Variants in LIAS observed in about 807,000 individuals in gnomAD.
LIAS encodes the protein lipoyl synthase, mitochondrial.
Under a neutral mutation model 49.4 loss-of-function variants are expected in LIAS, and 36 were observed. That is an observed-to-expected ratio of 0.73 (90% CI 0.56 to 0.96). LIAS has a LOEUF of 0.96. Among genes scored for constraint, LIAS ranks in the 40% least tolerant of loss-of-function variants. LIAS has a pLI of 0.00. For missense variants in LIAS, 399 were observed against 456.3 expected, an observed-to-expected ratio of 0.87 and a Z score of 1.14; for synonymous variants, 145 against 155.8, an observed-to-expected ratio of 0.93 and a Z score of 0.52.
intron 10 of LIAS, among the ~76,000 whole-genome samples, chr4:39,474,237 T>A (rs1004621251): frequency 1.3e-4 from 17 of 132,714 alleles, no homozygotes; most frequent in African/African-American, 4.5e-4. Flanking sequence ...CACTCCAGCC[T>A]GGGCAACAGA....
rs766866733 is a variant in LIAS at position 39,471,517 on chromosome 4, A to ATTTTTTTTTTTT, written c.954+227_954+238dup. Reference sequence around the variant, plus strand: ...TCCGGCTAAAATATACATATATATAATTTTTTTTTTTTTTTTTTTTTTTTT... The same window carrying ATTTTTTTTTTTT: ...TCCGGCTAAAATATACATATATATAATTTTTTTTTTTTTTTTTTTTTTTTTTTTTTTTTTTTT... On this transcript the variant is annotated intron_variant, in intron 9 of 10. Transcript: ENST00000640888. Among the ~76,000 whole-genome samples, 2 of 74,352 alleles carry ATTTTTTTTTTTT rather than the reference A, an allele frequency of 2.7e-5. 1 individual carries two copies. Among genetic ancestry groups the ATTTTTTTTTTTT allele is most frequent in the Non-Finnish European group, 5.0e-5 (2 of 39,898 alleles). The allele number at this position is 74,352 out of a possible 152,430, so 48.8% of individuals were successfully genotyped here. A position where few individuals can be genotyped will look rare whatever the true frequency, so the allele number is the denominator to read the frequency against.
Position 39,473,228 on chromosome 4 carries a change from G to A in LIAS, c.1066+17G>A, listed in dbSNP as rs764338452. 24 of 1,482,612 alleles carry A rather than the reference G, an allele frequency of 1.6e-5. No individual in the cohort carries two copies. The highest frequency in any genetic ancestry group is 8.4e-5 in the Admixed American group (5 of 59,550). 91.8% of individuals were successfully genotyped at this position (1,482,612 alleles called of 1,614,324 possible). ...ATAAAGCAGGTAAGTTAGATTGTGG[G>A]GCATGGTTTCATTTAGGCCGTTAAC... On this transcript the variant is annotated intron_variant, in intron 10 of 10. Transcript: ENST00000640888.
At chr4:39,461,340 A>G (rs1744489823) in intron 2 of LIAS, among the ~76,000 whole-genome samples, 1 of 152,238 alleles carries the variant, frequency 6.6e-6, no homozygotes, top group African/African-American at 2.4e-5. Context: ...AATTTAAAAG[A>G]ATGATGGAAT....
At chr4:39,462,966 G>A (rs1578234572) in intron 3 of LIAS, among the ~76,000 whole-genome samples, 1 of 152,296 alleles carries the variant, frequency 6.6e-6, no homozygotes, top group East Asian at 1.9e-4. Flanking sequence ...CAGCCTGGAC[G>A]ACAGTGAGAC....
Position 39,472,844 on chromosome 4 carries a change from G to C in LIAS, c.955-256G>C, listed in dbSNP as rs534912617. The stretch of plus-strand genomic sequence containing the variant: ...TCTGTAGATAATCTCTTCTTTCTCT[G>C]TCCTTTGGAATAGCCATTGTAGCAC... On this transcript the variant is annotated intron_variant, in intron 9 of 10. Coordinates refer to ENST00000640888, the MANE Select transcript of LIAS (RefSeq NM_006859.4). Among the ~76,000 whole-genome samples, 10 of 152,288 alleles carry C rather than the reference G, an allele frequency of 6.6e-5. No homozygotes were observed. The East Asian group carries it at 1.7e-3, about 26-fold the overall frequency.
rs1340365089 is a variant in LIAS at position 39,460,465 on chromosome 4, C to T, written c.46-325C>T. On this transcript the variant is annotated intron_variant, in intron 1 of 10. Transcript: ENST00000640888. ...AGGAGAATGGCGTGAACCCGGGAGG[C>T]GGAGCTTGCGGTGAGCCAAGATTGC... 2.9e-5 allele frequency among the ~76,000 whole-genome samples: 4 copies of T among 139,054 alleles called. No homozygotes were observed. The Admixed American group carries it at 3.2e-4, about 11-fold the overall frequency. The allele number at this position is 139,054 out of a possible 152,430, so 91.2% of individuals were successfully genotyped here.
chr4:39,463,560 G>C lies in LIAS; in HGVS notation c.348G>C (p.Glu116Asp), dbSNP rs753615027. The C allele has an allele frequency of 3.3e-5, 53 of 1,612,790 alleles. No individual in the cohort carries two copies. The highest frequency in any genetic ancestry group is 4.5e-5 in the Non-Finnish European group (53 of 1,179,280). Reference protein sequence around the residue: ...CEEARCPNIGECWGGGEYATA... With the variant: ...CEEARCPNIGDCWGGGEYATA... ...AAGCTCGATGTCCCAATATTGGAGA[G>C]TGTTGGGGAGGTGGAGAATATGCCA... Residue 116 changes from glutamate (E) to aspartate (D), a missense_variant, in exon 4 of 11, where the codon GAG becomes GAC. Around this residue, in one of 3 missense-constraint regions of LIAS, gnomAD observed 159 missense variants for 147.6 expected, o/e 1.08. Coordinates refer to ENST00000640888, the MANE Select transcript of LIAS (RefSeq NM_006859.4).
At chr4:39,476,427 C>T (rs560635163) in intron 10 of LIAS, 2 of 152,424 alleles carry the variant, frequency 1.3e-5, no homozygotes, top group South Asian at 4.1e-4. Context: ...AATCAGGCCT[C>T]TAGTGCTGCA....
intron 7 of LIAS, chr4:39,468,499 A>AT (rs1278156240): frequency 9.4e-5 from 12 of 127,664 alleles, no homozygotes; most frequent in Admixed American, 2.5e-4. Flanking sequence ...AAAGGAAAAA[A>AT]AAAATATATA....
intron 6 of LIAS, chr4:39,467,155 C>G (rs956311321): frequency 6.5e-6 from 1 of 152,860 alleles, no homozygotes; most frequent in African/African-American, 2.4e-5. Flanking sequence ...CTTCAATTTA[C>G]TTTCCAATGA....
chr4:39,473,260 C>T (rs370866916), intron 10 of LIAS, 49 bp downstream of exon 10: 32 of 1,128,328 alleles, frequency 2.8e-5, no homozygotes, highest in East Asian at 2.4e-5. Flanking sequence ...TAACTTTCCA[C>T]ATTAAGTTCT....
chr4:39,471,065 C>T lies in LIAS; in HGVS notation c.884-171C>T, dbSNP rs373338695. 5.3e-5 allele frequency among the ~76,000 whole-genome samples: 8 copies of T among 152,318 alleles called. No homozygotes were observed. The East Asian group carries it at 1.5e-3, about 29-fold the overall frequency. ...TTATTATTGTTTTCAGTCCTTACCACAGTCCCTGGCACATAATACTTTTGA... is the reference window on the plus strand; with the variant it reads ...TTATTATTGTTTTCAGTCCTTACCATAGTCCCTGGCACATAATACTTTTGA... On this transcript the variant is annotated intron_variant, in intron 8 of 10. Transcript: ENST00000640888.
Position 39,473,155 on chromosome 4 carries a change from A to T in LIAS, c.1010A>T (p.Glu337Val). 1 of 1,613,462 alleles carries T rather than the reference A, an allele frequency of 6.2e-7. No individual in the cohort carries two copies. Among genetic ancestry groups the T allele is most frequent in the African/African-American group, 1.3e-5 (1 of 75,040 alleles). ...KFKYWEKVGN[E>V]LGFHYTASGP... ...AAATACTGGGAAAAAGTAGGAAATG[A>T]ACTTGGATTTCATTATACTGCAAGT... The change falls in exon 10 of 11, where the codon GAA (glutamate) becomes GTA (valine). Residue 337 changes from glutamate to valine, a missense_variant. Transcript: ENST00000640888.
intron 2 of LIAS, among the ~76,000 whole-genome samples, chr4:39,461,952 C>A (rs1019117381): frequency 1.3e-5 from 2 of 152,188 alleles, no homozygotes; most frequent in African/African-American, 4.8e-5. Flanking sequence ...CTCGGCCTCC[C>A]AAAGTGCTGG....
Position 39,462,130 on chromosome 4 carries a change from C to T in LIAS, c.219-66C>T. The T allele has an allele frequency of 4.6e-6, 3 of 646,834 alleles. No individual in the cohort carries two copies. The South Asian group carries it at 8.2e-5, about 18-fold the overall frequency. The allele number at this position is 646,834 out of a possible 1,614,324, so 40.1% of individuals were successfully genotyped here. A position where few individuals can be genotyped will look rare whatever the true frequency, so the allele number is the denominator to read the frequency against. Reference sequence around the variant, plus strand: ...TAGGAATTGTAATAGAAGAAATTAACTTCAAAGCTGTGTAATTATTTGGCA... The same window carrying T: ...TAGGAATTGTAATAGAAGAAATTAATTTCAAAGCTGTGTAATTATTTGGCA... On this transcript the variant is annotated intron_variant, in intron 2 of 10. Transcript: ENST00000640888.
intron 1 of LIAS, 154 bp downstream of exon 1, chr4:39,459,316 A>C: frequency 1.5e-6 from 1 of 657,288 alleles, no homozygotes; most frequent in Non-Finnish European, 2.6e-6. Flanking sequence ...TCATGTAATT[A>C]TCCCGCCAGC....
intron 2 of LIAS, 96 bp from the exon 3 acceptor site, chr4:39,462,100 T>C: frequency 2.1e-6 from 1 of 475,144 alleles, no homozygotes; most frequent in Non-Finnish European, 3.7e-6. Context: ...GAAAAAATTA[T>C]TAACTAGGAA....
Position 39,469,994 on chromosome 4 carries a change from T to C in LIAS, c.738-25T>C, listed in dbSNP as rs772047274. On this transcript the variant is annotated intron_variant, in intron 7 of 10. Coordinates refer to ENST00000640888, the MANE Select transcript of LIAS (RefSeq NM_006859.4). ...ACTTGGTTGAACTTGTAATTCTTGC[T>C]GACAACAGTCCTGCTGTTTTCCAGT... 1.9e-6 allele frequency: 3 copies of C among 1,586,698 alleles called. No individual in the cohort carries two copies. In the East Asian group the frequency reaches 6.8e-5, roughly 36 times the overall value.
At chr4:39,459,543 A>G (rs886612209) in intron 1 of LIAS, among the ~76,000 whole-genome samples, 3 of 152,204 alleles carry the variant, frequency 2.0e-5, no homozygotes, top group Admixed American at 6.5e-5. Flanking sequence ...AGCGGCAGAC[A>G]TTGAGAAGTG....
Sources: gnomAD v4.1 joint callset for allele counts (sites outside exome capture counted in the v4.1 genomes callset) on GRCh38, gnomAD v4.1.1 for gene constraint, gnomAD v4.1.1 regional missense constraint, MANE v1.5 for transcripts, NCBI Gene and HGNC (gene_info 2026-07-23, HGNC 2026-07-21) for gene names.